Variants in PUDP observed in about 807,000 individuals in gnomAD.
The protein encoded by PUDP is pseudouridine-5'-phosphatase.
PUDP carries 8 observed loss-of-function variants against 9.4 expected under a neutral mutation model. The ratio of observed to expected loss-of-function variants is 0.85; its 90% CI spans 0.50 to 1.53. PUDP has a LOEUF of 1.53. Ranked by LOEUF, PUDP falls within the 40% of genes most tolerant of loss-of-function variation. The probability of loss-of-function intolerance (pLI) is 0.00; values close to 1 mark genes in which losing one functional copy is unlikely to be tolerated. For synonymous variants in PUDP, 99 were observed against 80.7 expected (o/e 1.23, Z -1.22); for missense variants, 188 against 189.7 (o/e 0.99, Z 0.05).
chrX:7,122,161 C>G (rs1264617384), intron 1 of PUDP, among the ~76,000 whole-genome samples: 1 of 110,125 alleles, frequency 9.1e-6, no homozygotes, highest in Non-Finnish European at 1.9e-5. Flanking sequence ...GCACTGCACT[C>G]TATCTAGCCT....
intron 3 of PUDP, among the ~76,000 whole-genome samples, chrX:6,851,249 TC>T (rs1367808890): frequency 8.9e-6 from 1 of 112,364 alleles, no homozygotes; most frequent in African/African-American, 3.2e-5. Flanking sequence ...CAATCACTTT[TC>T]AAGCAATGAT....
intron 3 of PUDP, among the ~76,000 whole-genome samples, chrX:6,951,249 C>CAGCA (rs1940348914): frequency 6.9e-5 from 2 of 29,107 alleles, no homozygotes; most frequent in Admixed American, 5.7e-4. Context: ...TCCATCATAT[C>CAGCA]TATCTATCTA....
intron 3 of PUDP, among the ~76,000 whole-genome samples, chrX:6,846,286 T>C (rs1230706126): frequency 5.5e-5 from 6 of 109,280 alleles, no homozygotes; most frequent in African/African-American, 2.0e-4. Context: ...GCGCCTATAG[T>C]CCCAGCTACT....
chrX:7,146,237 T>A lies in PUDP; in HGVS notation c.61+1816A>T, dbSNP rs1486995213. Among the ~76,000 whole-genome samples the A allele has an allele frequency of 4.5e-5, 5 of 111,914 alleles. No individual in the cohort carries two copies. The East Asian group carries it at 1.4e-3, about 31-fold the overall frequency. On this transcript the variant is annotated intron_variant, in intron 1 of 3. Coordinates refer to ENST00000381077, the MANE Select transcript of PUDP (RefSeq NM_012080.5). ...GGTAACAATGTGAGGTCAATGCTTG[T>A]AATGCCATTTAAGTCACATTCATCA...
intron 1 of PUDP, among the ~76,000 whole-genome samples, chrX:7,034,635 TTCA>T (rs1272383128): frequency 4.5e-5 from 5 of 111,949 alleles, no homozygotes; most frequent in Non-Finnish European, 3.8e-5. Flanking sequence ...TGTATCTATC[TTCA>T]TCATCATCAT....
upstream of PUDP, among the ~76,000 whole-genome samples, chrX:6,723,916 T>G: frequency 8.9e-6 from 1 of 111,776 alleles, no homozygotes; most frequent in East Asian, 2.8e-4. Context: ...GTGTTGGATT[T>G]ATGAATGTTC....
At chrX:7,043,412 C>T (rs1391663629) in intron 1 of PUDP, among the ~76,000 whole-genome samples, 5 of 111,648 alleles carry the variant, frequency 4.5e-5, no homozygotes, top group Non-Finnish European at 5.6e-5. Flanking sequence ...TCTGTGCACA[C>T]AGCAGCTCCC....
chrX:6,933,792 C>A (rs1214361632), intron 3 of PUDP, among the ~76,000 whole-genome samples: 4 of 111,315 alleles, frequency 3.6e-5, no homozygotes, highest in Non-Finnish European at 5.7e-5. Context: ...CTTAAAGGAG[C>A]TGATGGAGCT....
intron 3 of PUDP, among the ~76,000 whole-genome samples, chrX:6,822,873 A>ACC (rs2146708679): frequency 9.1e-6 from 1 of 110,164 alleles, no homozygotes; most frequent in South Asian, 3.9e-4. Context: ...ACTCTCAGGT[A>ACC]GACCCCAGTT....
chrX:6,822,148 T>A (rs957599909), intron 3 of PUDP, among the ~76,000 whole-genome samples: 2 of 111,636 alleles, frequency 1.8e-5, no homozygotes, highest in African/African-American at 3.3e-5. Flanking sequence ...CACTCTGGTG[T>A]GACCGCGTCC....
chrX:6,712,637 T>C (rs1205825431), intron 1 of PUDP, among the ~76,000 whole-genome samples: 1 of 111,821 alleles, frequency 8.9e-6, no homozygotes, highest in African/African-American at 3.3e-5. Flanking sequence ...ATCTTGGGGA[T>C]TCTGGGGAGC....
intron 2 of PUDP, among the ~76,000 whole-genome samples, chrX:7,079,059 AC>A (rs1236497875): frequency 3.6e-5 from 4 of 111,995 alleles, no homozygotes; most frequent in African/African-American, 1.3e-4. Context: ...AAAACAAAAG[AC>A]CCAACTACAT....
intron 3 of PUDP, among the ~76,000 whole-genome samples, chrX:6,943,205 T>C (rs1928421067): frequency 8.9e-6 from 1 of 111,847 alleles, no homozygotes; most frequent in Non-Finnish European, 1.9e-5. Flanking sequence ...CTATGGCACG[T>C]ACAATTCAAG....
rs1431111922 is a variant in PUDP at position 7,105,621 on chromosome X, T to G, written c.279A>C (p.Pro93=). Residue 93 remains proline (P), a splice_region_variant and synonymous_variant, in exon 2 of 4, where the codon CCA becomes CCC. Transcript: ENST00000381077. ...CTGCAAACAGCGAGGCAACCGCACCTGGCATGAGCGCAGCCGTGGGGAACA... is the reference window on the plus strand; with the variant it reads ...CTGCAAACAGCGAGGCAACCGCACCGGGCATGAGCGCAGCCGTGGGGAACA... ...KEVFPTAALM[P]GAEKLIIHLR... is the part of the protein sequence containing the mutation. 8.3e-7 allele frequency: 1 copy of G among 1,198,262 alleles called. No individual in the cohort carries two copies. The highest frequency in any genetic ancestry group is 1.8e-5 in the South Asian group (1 of 54,937).
intron 2 of PUDP, among the ~76,000 whole-genome samples, chrX:7,088,881 CA>C (rs1931343239): frequency 8.9e-6 from 1 of 112,088 alleles, no homozygotes; most frequent in Non-Finnish European, 1.9e-5. Context: ...AACCTGCATG[CA>C]AACTGCTCTC....
At chrX:6,882,268 G>A (rs1927358095) in intron 3 of PUDP, among the ~76,000 whole-genome samples, 1 of 105,600 alleles carries the variant, frequency 9.5e-6, no homozygotes, top group South Asian at 4.5e-4. Flanking sequence ...AAGTAATTGC[G>A]GTTTTTGCCA....
chrX:7,078,068 TG>T (rs1233722899), intron 2 of PUDP, among the ~76,000 whole-genome samples: 1 of 111,910 alleles, frequency 8.9e-6, no homozygotes, highest in African/African-American at 3.3e-5. Context: ...TGAACACAGC[TG>T]ATCAACAGCA....
At chrX:6,807,105 GC>G (rs1926063144) in intron 3 of PUDP, among the ~76,000 whole-genome samples, 1 of 112,208 alleles carries the variant, frequency 8.9e-6, no homozygotes, top group Admixed American at 9.4e-5. Flanking sequence ...CCTTTATACA[GC>G]CATGTTTACA....
At chrX:7,125,630 G>A (rs1354220429) in intron 1 of PUDP, among the ~76,000 whole-genome samples, 3 of 111,818 alleles carry the variant, frequency 2.7e-5, no homozygotes, top group African/African-American at 9.8e-5. Flanking sequence ...TCAGGCTGCT[G>A]ATAAAGACAT....
Sources: gnomAD v4.1 joint callset for allele counts (sites outside exome capture counted in the v4.1 genomes callset) on GRCh38, gnomAD v4.1.1 for gene constraint, MANE v1.5 for transcripts, NCBI Gene and HGNC (gene_info 2026-07-23, HGNC 2026-07-21) for gene names.